The following TECR variants were observed in gnomAD, a reference collection of about 807,000 sequenced individuals.
The protein encoded by TECR is very-long-chain enoyl-CoA reductase.
Under a neutral mutation model 50.6 loss-of-function variants are expected in TECR, and 19 were observed. The ratio of observed to expected loss-of-function variants is 0.38; its 90% CI spans 0.26 to 0.55. The LOEUF (loss-of-function observed/expected upper bound fraction) is 0.55, where lower values mean the gene tolerates loss of function less well. Among genes scored for constraint, TECR ranks in the 20% least tolerant of loss-of-function variants. The probability of loss-of-function intolerance (pLI) is 0.79; values close to 1 mark genes in which losing one functional copy is unlikely to be tolerated. For missense variants in TECR, 313 were observed against 408.3 expected, an observed-to-expected ratio of 0.77 and a Z score of 2.01; for synonymous variants, 168 against 163.5, an observed-to-expected ratio of 1.03 and a Z score of -0.21.
At chr19:14,565,498 AT>A in intron 11 of TECR, 119 bp from the exon 12 acceptor site, 1 of 1,475,444 alleles carries the variant, frequency 6.8e-7, no homozygotes. Flanking sequence ...CTCCGCTGGA[AT>A]TGGGTTCCCA....
chr19:14,545,414 C>A (rs934592342), intron 1 of TECR, among the ~76,000 whole-genome samples: 9 of 152,186 alleles, frequency 5.9e-5, no homozygotes, highest in Admixed American at 5.9e-4. Context: ...CCCTCTGCAC[C>A]GCTGTCTCCT....
At position 14,563,457 on chromosome 19, in the gene TECR, A is replaced by C; in HGVS notation, c.118+200A>C. 1 of 827,388 alleles carries C rather than the reference A, an allele frequency of 1.2e-6. No individual in the cohort carries two copies. Among genetic ancestry groups the C allele is most frequent in the Non-Finnish European group, 2.0e-6 (1 of 511,814 alleles). The allele number at this position is 827,388 out of a possible 1,614,324, so 51.3% of individuals were successfully genotyped here. Reference sequence around the variant, plus strand: ...GCCCTTGCTAGGCTCTGGGAAGGACAAGATCCTGCTTCTGCCCGCGCTCTT... The same window carrying C: ...GCCCTTGCTAGGCTCTGGGAAGGACCAGATCCTGCTTCTGCCCGCGCTCTT... On this transcript the variant is annotated intron_variant, in intron 3 of 12. Coordinates refer to ENST00000215567, the MANE Select transcript of TECR (RefSeq NM_138501.6). This position sits in a 1 kb window ranked among gnomAD's most constrained non-coding sequence, Gnocchi z 5.3.
intron 1 of TECR, among the ~76,000 whole-genome samples, chr19:14,535,582 ATATATATG>A (rs1294445421): frequency 1.3e-4 from 5 of 38,822 alleles, no homozygotes; most frequent in African/African-American, 3.9e-4. Context: ...ATATATATAT[ATATATATG>A]TATGTATATA....
intron 1 of TECR, among the ~76,000 whole-genome samples, chr19:14,548,381 G>C (rs1037101481): frequency 5.3e-5 from 8 of 152,086 alleles, no homozygotes; most frequent in African/African-American, 1.9e-4. Flanking sequence ...GCCCTAAGCT[G>C]TTTGACTCTG....
At chr19:14,562,331 G>C (rs1447591689) in intron 1 of TECR, 194 bp from the exon 2 acceptor site, 1 of 668,872 alleles carries the variant, frequency 1.5e-6, no homozygotes, top group East Asian at 2.7e-5. Context: ...GGGGGCTGAC[G>C]GCCGGCAGCT....
At chr19:14,547,125 A>T (rs185542008) in intron 1 of TECR, among the ~76,000 whole-genome samples, 2 of 152,210 alleles carry the variant, frequency 1.3e-5, no homozygotes, top group Non-Finnish European at 1.5e-5. Flanking sequence ...AAGAGAGCCA[A>T]TGTTAAAGAG....
Position 14,563,164 on chromosome 19 carries a change from CTCCCCGCAGAGCTGACG to C in TECR, c.67-37_67-21del. ...AGTACCTCCCCATCCTGAGTCTGGG[CTCCCCGCAGAGCTGACG>C]TCCCTGCGCCTGTGCTTCCCCCAGG... is the stretch of plus-strand genomic sequence containing the variant. On this transcript the variant is annotated intron_variant, in intron 2 of 12. Coordinates refer to ENST00000215567, the MANE Select transcript of TECR (RefSeq NM_138501.6). This position sits in a 1 kb window ranked among gnomAD's most constrained non-coding sequence, Gnocchi z 5.3. 1 of 1,613,796 alleles carries C rather than the reference CTCCCCGCAGAGCTGACG, an allele frequency of 6.2e-7. No individual in the cohort carries two copies.
At chr19:14,551,658 C>A (rs911722949) in intron 1 of TECR, among the ~76,000 whole-genome samples, 24 of 152,012 alleles carry the variant, frequency 1.6e-4, no homozygotes, top group Admixed American at 1.6e-3. Flanking sequence ...GCCTGGGCCC[C>A]GCTGTGGTAT....
At chr19:14,528,733 A>G (rs572716943), upstream of TECR, among the ~76,000 whole-genome samples, 4 of 151,884 alleles carry the variant, frequency 2.6e-5, no homozygotes, top group East Asian at 7.9e-4. Flanking sequence ...TGAGGTCAGG[A>G]GTTCAAGACC....
chr19:14,531,791 C>T (rs2072677634), intron 1 of TECR: 1 of 152,074 alleles, frequency 6.6e-6, no homozygotes, highest in South Asian at 2.1e-4. Flanking sequence ...GGTTTGTATT[C>T]AATAATCTCT....
At chr19:14,535,506 CAAAAAAAAAAAAAAAAAAAA>C (rs1172079027) in intron 1 of TECR, among the ~76,000 whole-genome samples, 36 of 17,162 alleles carry the variant, frequency 2.1e-3, no homozygotes, top group African/African-American at 9.8e-3. Flanking sequence ...GACTCCGTCT[CAAAAAAAAAAAAAAAAAAAA>C]AAAAAAAAAA....
At chr19:14,552,450 C>T (rs185329010) in intron 1 of TECR, among the ~76,000 whole-genome samples, 1 of 152,178 alleles carries the variant, frequency 6.6e-6, no homozygotes, top group South Asian at 2.1e-4. Flanking sequence ...CACTTCCAGG[C>T]TACTTACCTT....
chr19:14,553,709 C>T (rs1006746689), intron 1 of TECR, among the ~76,000 whole-genome samples: 2 of 151,714 alleles, frequency 1.3e-5, no homozygotes, highest in South Asian at 2.1e-4. Flanking sequence ...GTGATGGGGG[C>T]GAGGTGATGG....
intron 1 of TECR, among the ~76,000 whole-genome samples, chr19:14,534,597 G>A (rs1275517075): frequency 2.0e-5 from 3 of 151,754 alleles, no homozygotes; most frequent in East Asian, 1.9e-4. Context: ...CACCATGCCC[G>A]GCTAATTTCT....
chr19:14,554,397 C>T (rs1475047444), intron 1 of TECR, among the ~76,000 whole-genome samples: 1 of 152,182 alleles, frequency 6.6e-6, no homozygotes, highest in Non-Finnish European at 1.5e-5. Context: ...CGCTCTGGCC[C>T]GGGTCTGCCC....
rs763761863 is a variant in TECR, at chr19:14,563,723, G to T, written c.163+21G>T. 6.2e-6 allele frequency: 10 copies of T among 1,613,020 alleles called. No homozygotes were observed. The highest frequency in any genetic ancestry group is 3.3e-4 in the Middle Eastern group (2 of 6,018). ...CCCCAGTGAGTACAGCTGTCCACTC[G>T]GCCCGCCCCCTGGGCTCCTGGGTGG... On this transcript the variant is annotated intron_variant, in intron 4 of 12. Coordinates refer to ENST00000215567, the MANE Select transcript of TECR (RefSeq NM_138501.6). The surrounding 1 kb of genome is among the most constrained non-coding windows in gnomAD (Gnocchi z 5.3).
chr19:14,544,363 G>T (rs1417143512), intron 1 of TECR, among the ~76,000 whole-genome samples: 1 of 152,046 alleles, frequency 6.6e-6, no homozygotes, highest in Non-Finnish European at 1.5e-5. Flanking sequence ...ACGAGTATGT[G>T]TATGTTTGAT....
chr19:14,546,582 G>T (rs1418687560), intron 1 of TECR, among the ~76,000 whole-genome samples: 2 of 152,174 alleles, frequency 1.3e-5, no homozygotes, highest in Non-Finnish European at 2.9e-5. Context: ...CAGAAACAGG[G>T]CTCTCACTAT....
intron 1 of TECR, among the ~76,000 whole-genome samples, chr19:14,553,394 C>T (rs1399864578): frequency 1.3e-5 from 2 of 152,066 alleles, no homozygotes; most frequent in Non-Finnish European, 2.9e-5. Context: ...CAGCCACTCT[C>T]AGCCCTTCCT....
Sources: gnomAD v4.1 joint callset for allele counts (sites outside exome capture counted in the v4.1 genomes callset) on GRCh38, gnomAD v4.1.1 for gene constraint, Gnocchi (gnomAD v3.1) non-coding constraint, MANE v1.5 for transcripts, NCBI Gene and HGNC (gene_info 2026-07-23, HGNC 2026-07-21) for gene names.